Variants in ECE1 observed in about 807,000 individuals in gnomAD.
ECE1 encodes endothelin converting enzyme 1.
A neutral mutation model predicts 98.6 loss-of-function variants in ECE1; 35 were observed. The ratio of observed to expected loss-of-function variants is 0.35; its 90% CI spans 0.27 to 0.47. The LOEUF is 0.47. Among genes scored for constraint, ECE1 ranks in the 20% least tolerant of loss-of-function variants. ECE1 has a pLI of 1.00. For missense variants in ECE1, 814 were observed against 1,025.3 expected (o/e 0.79, Z 2.81); for synonymous variants, 394 against 407.1 (o/e 0.97, Z 0.39).
intron 1 of ECE1, among the ~76,000 whole-genome samples, chr1:21,308,957 A>G (rs746833702): frequency 6.6e-6 from 1 of 152,234 alleles, no homozygotes; most frequent in Non-Finnish European, 1.5e-5. Flanking sequence ...GCCAGAGCCC[A>G]TCATTCACTG....
At chr1:21,221,926 C>CATA in intron 17 of ECE1, 84 bp from the exon 18 acceptor site, 3 of 1,258,708 alleles carry the variant, frequency 2.4e-6, no homozygotes, top group Non-Finnish European at 3.5e-6. Flanking sequence ...CAGGGAGCTC[C>CATA]CCCGTGTTGG....
At chr1:21,292,442 A>G (rs1226135091), upstream of ECE1, among the ~76,000 whole-genome samples, 1 of 152,140 alleles carries the variant, frequency 6.6e-6, no homozygotes, top group Non-Finnish European at 1.5e-5. Context: ...CCAACTTCAG[A>G]TCTCAGCCTA....
At chr1:21,230,287 G>A (rs1209260344) in intron 14 of ECE1, among the ~76,000 whole-genome samples, 1 of 152,194 alleles carries the variant, frequency 6.6e-6, no homozygotes, top group African/African-American at 2.4e-5. Flanking sequence ...GAGTTTTGGT[G>A]TAGTATCAGA....
At chr1:21,343,824 G>T (rs1161077893) in intron 1 of ECE1, among the ~76,000 whole-genome samples, 1 of 152,134 alleles carries the variant, frequency 6.6e-6, no homozygotes, top group Non-Finnish European at 1.5e-5. Context: ...TTTTTTGGTG[G>T]TTTTTAAGGA....
chr1:21,234,764 C>A (rs2098186032), intron 13 of ECE1, among the ~76,000 whole-genome samples: 1 of 152,194 alleles, frequency 6.6e-6, no homozygotes, highest in Non-Finnish European at 1.5e-5. Flanking sequence ...CAAGCATGAG[C>A]CACTGCGCCT....
intron 2 of ECE1, among the ~76,000 whole-genome samples, chr1:21,289,538 A>C (rs1258363957): frequency 6.6e-6 from 1 of 152,120 alleles, no homozygotes. Context: ...GGGGGCAGAG[A>C]ACAGGTTTCT....
intron 1 of ECE1, among the ~76,000 whole-genome samples, chr1:21,326,138 C>A (rs1639074726): frequency 6.6e-6 from 1 of 152,138 alleles, no homozygotes; most frequent in African/African-American, 2.4e-5. Context: ...TTCTGCCGCC[C>A]CACGTTCTCA....
At chr1:21,227,334 C>A in intron 15 of ECE1, 108 bp from the exon 16 acceptor site, 1 of 1,117,440 alleles carries the variant, frequency 8.9e-7, no homozygotes, top group Non-Finnish European at 1.4e-6. Flanking sequence ...TAGCAAAATT[C>A]CACAGGGCTC....
intron 1 of ECE1, among the ~76,000 whole-genome samples, chr1:21,336,411 G>C (rs548672607): frequency 6.6e-6 from 1 of 152,146 alleles, no homozygotes; most frequent in South Asian, 2.1e-4. Context: ...AACATTCACT[G>C]AGGCCGGGCG....
In ECE1 at chr1:21,233,433, C is replaced by T. The variant is rs2098184223; in HGVS notation, c.1670+125G>A. On this transcript the variant is annotated intron_variant, in intron 14 of 18. Coordinates refer to ENST00000374893, the MANE Select transcript of ECE1 (RefSeq NM_001397.3). The surrounding 1 kb of genome is among the most constrained non-coding windows in gnomAD (Gnocchi z 4.0). Reference sequence around the variant, plus strand: ...AAGTGGGATAACAAGGGCATCCACTCTTCAGACGGCTCTCGTGATAGCTGA... The same window carrying T: ...AAGTGGGATAACAAGGGCATCCACTTTTCAGACGGCTCTCGTGATAGCTGA... 3.6e-6 allele frequency: 3 copies of T among 824,164 alleles called. No homozygotes were observed. The highest frequency in any genetic ancestry group is 5.8e-6 in the Non-Finnish European group (3 of 515,508). 51.1% of individuals were successfully genotyped at this position (824,164 alleles called of 1,614,324 possible). A position where few individuals can be genotyped will look rare whatever the true frequency, so the allele number is the denominator to read the frequency against.
At chr1:21,275,426 C>G (rs2098245386) in intron 3 of ECE1, among the ~76,000 whole-genome samples, 1 of 152,106 alleles carries the variant, frequency 6.6e-6, no homozygotes, top group Non-Finnish European at 1.5e-5. Context: ...GAAACTCTGT[C>G]TCTACTAAAA....
intron 14 of ECE1, among the ~76,000 whole-genome samples, chr1:21,232,132 T>C (rs992443675): frequency 4.6e-5 from 7 of 152,140 alleles, no homozygotes; most frequent in Admixed American, 2.0e-4. Context: ...TAGAGATGTT[T>C]GAACCCCTAT....
chr1:21,338,337 T>C (rs1423836436), intron 1 of ECE1, among the ~76,000 whole-genome samples: 1 of 152,216 alleles, frequency 6.6e-6, no homozygotes, highest in Non-Finnish European at 1.5e-5. Context: ...TTATCTGGAA[T>C]CACAACCACC....
intron 15 of ECE1, among the ~76,000 whole-genome samples, chr1:21,227,564 G>T (rs1397335025): frequency 6.6e-6 from 1 of 152,188 alleles, no homozygotes; most frequent in Non-Finnish European, 1.5e-5. Context: ...CTGGGAATGG[G>T]TCAATTGCTT....
At position 21,219,793 on chromosome 1, in the gene ECE1, T is replaced by G; in HGVS notation, c.*162A>C. ...ACAGGGGATCAGACTGCGGGTCACG[T>G]TGAGAGCCAACACCATGGGCTCGGT... On this transcript the variant is annotated 3_prime_UTR_variant, in exon 19 of 19. Transcript: ENST00000374893. The surrounding 1 kb of genome is among the most constrained non-coding windows in gnomAD (Gnocchi z 4.5). 1 of 874,374 alleles carries G rather than the reference T, an allele frequency of 1.1e-6. No homozygotes were observed. The highest frequency in any genetic ancestry group is 1.8e-6 in the Non-Finnish European group (1 of 555,840). The allele number at this position is 874,374 out of a possible 1,614,324, so 54.2% of individuals were successfully genotyped here.
intron 1 of ECE1, among the ~76,000 whole-genome samples, chr1:21,324,878 C>T (rs555452740): frequency 6.6e-6 from 1 of 152,238 alleles, no homozygotes; most frequent in African/African-American, 2.4e-5. Context: ...AGAAAAATTC[C>T]TCTGGACTTT....
rs993123443 is a variant in ECE1, at chr1:21,251,502, G to A, written c.1021-4139C>T. Among the ~76,000 whole-genome samples, 3 of 152,220 alleles carry A rather than the reference G, an allele frequency of 2.0e-5. No homozygotes were observed. In the East Asian group the frequency reaches 5.8e-4, roughly 29 times the overall value. ...TGCACTCCAGCCTGGGCAACAGGGCGAAGCTCTGTCTCAAAACAAAAACAA... is the reference window on the plus strand; with the variant it reads ...TGCACTCCAGCCTGGGCAACAGGGCAAAGCTCTGTCTCAAAACAAAAACAA... On this transcript the variant is annotated intron_variant, in intron 8 of 18. Transcript: ENST00000374893.
At chr1:21,240,343 C>T (rs927420838) in intron 10 of ECE1, among the ~76,000 whole-genome samples, 6 of 151,900 alleles carry the variant, frequency 3.9e-5, no homozygotes, top group Non-Finnish European at 7.4e-5. Flanking sequence ...AAAAATTAGC[C>T]GGGTGTGGTG....
intron 3 of ECE1, among the ~76,000 whole-genome samples, chr1:21,278,719 A>G (rs1435617183): frequency 6.6e-6 from 1 of 152,166 alleles, no homozygotes; most frequent in African/African-American, 2.4e-5. Flanking sequence ...AACAGAGGGC[A>G]TTATTGTTAT....
Sources: gnomAD v4.1 joint callset for allele counts (sites outside exome capture counted in the v4.1 genomes callset) on GRCh38, gnomAD v4.1.1 for gene constraint, Gnocchi (gnomAD v3.1) non-coding constraint, MANE v1.5 for transcripts, NCBI Gene and HGNC (gene_info 2026-07-23, HGNC 2026-07-21) for gene names.